Variants in HSD17B12 observed in about 807,000 individuals in gnomAD.
HSD17B12 encodes very-long-chain 3-oxoacyl-CoA reductase.
Under a neutral mutation model 39.3 loss-of-function variants are expected in HSD17B12, and 32 were observed. That is an observed-to-expected ratio of 0.81 (90% confidence interval 0.61 to 1.09). HSD17B12 has a LOEUF of 1.09. Ranked by LOEUF, HSD17B12 falls within the 50% of genes least tolerant of loss-of-function variation. The pLI, the probability that HSD17B12 is intolerant of heterozygous loss-of-function variation, is 0.00. For missense variants in HSD17B12, 342 were observed against 382.9 expected (o/e 0.89, Z 0.89); for synonymous variants, 150 against 146.7 (o/e 1.02, Z -0.16).
intron 3 of HSD17B12, among the ~76,000 whole-genome samples, chr11:43,777,641 A>C (rs1457411176): frequency 6.6e-6 from 1 of 152,286 alleles, no homozygotes; most frequent in Admixed American, 6.5e-5. Flanking sequence ...TTCCAACACT[A>C]TGTTGAATAG....
chr11:43,844,395 TAAC>T (rs960776231), intron 9 of HSD17B12, among the ~76,000 whole-genome samples: 7 of 152,290 alleles, frequency 4.6e-5, no homozygotes, highest in South Asian at 2.1e-4. Context: ...AAAAACACAG[TAAC>T]AACAACAAGT....
chr11:43,773,993 A>G (rs139281071), intron 3 of HSD17B12, among the ~76,000 whole-genome samples: 1,845 of 152,216 alleles, frequency 0.012, 15 homozygotes, highest in Non-Finnish European at 0.017. Context: ...CCTGAAAGGG[A>G]TCCAGGTAGA....
At chr11:43,568,701 T>C in the HSD17B12 span, among the ~76,000 whole-genome samples, 2 of 152,224 alleles carry the variant, frequency 1.3e-5, no homozygotes. Flanking sequence ...TAGGGGCAAA[T>C]GGCAGAATCA....
At chr11:43,659,874 T>G in the HSD17B12 span, among the ~76,000 whole-genome samples, 2 of 152,234 alleles carry the variant, frequency 1.3e-5, no homozygotes, top group Admixed American at 6.5e-5. Context: ...AGGCTGAGAC[T>G]TATTAGTTCG....
chr11:43,656,976 G>A, the HSD17B12 span, among the ~76,000 whole-genome samples: 1 of 152,162 alleles, frequency 6.6e-6, no homozygotes, highest in South Asian at 2.1e-4. Context: ...CTGTCTCATT[G>A]ATCTGTCTAA....
the HSD17B12 span, among the ~76,000 whole-genome samples, chr11:43,655,203 G>A: frequency 1.3e-5 from 2 of 152,136 alleles, no homozygotes; most frequent in Non-Finnish European, 2.9e-5. Flanking sequence ...TTGGCTCTCT[G>A]TTTGTCTGTT....
chr11:43,683,629 ATTG>A (rs1949772103), intron 1 of HSD17B12, among the ~76,000 whole-genome samples: 1 of 152,190 alleles, frequency 6.6e-6, no homozygotes, highest in African/African-American at 2.4e-5. Flanking sequence ...TGATTTTAGA[ATTG>A]TTGTATGTAA....
chr11:43,602,026 C>G, the HSD17B12 span, among the ~76,000 whole-genome samples: 1 of 152,188 alleles, frequency 6.6e-6, no homozygotes, highest in Admixed American at 6.5e-5. Context: ...TTGTCAGTGG[C>G]TGCTGGTGAA....
intron 3 of HSD17B12, 71 bp downstream of exon 3, chr11:43,754,192 ATAGT>A (rs1950490087): frequency 1.0e-6 from 1 of 980,140 alleles, no homozygotes; most frequent in African/African-American, 1.6e-5. Flanking sequence ...CGATACTGAC[ATAGT>A]TATTTCTAGT....
chr11:43,583,085 C>G, the HSD17B12 span, among the ~76,000 whole-genome samples: 1 of 152,206 alleles, frequency 6.6e-6, no homozygotes, highest in African/African-American at 2.4e-5. Context: ...TTGCTTCTTA[C>G]ATACCCCTCC....
chr11:43,822,932 G>A (rs1315445374), intron 6 of HSD17B12, among the ~76,000 whole-genome samples: 1 of 152,080 alleles, frequency 6.6e-6, no homozygotes, highest in Non-Finnish European at 1.5e-5. Flanking sequence ...GGTTGAACTA[G>A]TTTACAGTCC....
At chr11:43,607,482 A>G in the HSD17B12 span, among the ~76,000 whole-genome samples, 1 of 152,196 alleles carries the variant, frequency 6.6e-6, no homozygotes, top group Non-Finnish European at 1.5e-5. Flanking sequence ...TTATCCTAAT[A>G]TTTTAAATGT....
the HSD17B12 span, among the ~76,000 whole-genome samples, chr11:43,578,550 G>A: frequency 1.6e-4 from 24 of 152,312 alleles, no homozygotes; most frequent in African/African-American, 5.8e-4. Context: ...TCAAACCAAA[G>A]CTGCTCACAG....
chr11:43,727,730 GA>G (rs55960894), intron 1 of HSD17B12, among the ~76,000 whole-genome samples: 1 of 151,930 alleles, frequency 6.6e-6, no homozygotes, highest in African/African-American at 2.4e-5. Context: ...AAAACAGTAG[GA>G]AAAAAACACA....
Position 43,750,957 on chromosome 11 carries a change from G to A in HSD17B12, c.207G>A (p.Glu69=), listed in dbSNP as rs915047651. 6.3e-7 allele frequency: 1 copy of A among 1,586,392 alleles called. No individual in the cohort carries two copies. The highest frequency in any genetic ancestry group is 8.6e-7 in the Non-Finnish European group (1 of 1,160,868). The change falls in exon 2 of 11, where the codon GAG becomes GAA. Residue 69 remains glutamate (E), a splice_region_variant and synonymous_variant. Coordinates refer to ENST00000278353, the MANE Select transcript of HSD17B12 (RefSeq NM_016142.3). Reference sequence around the variant, plus strand: ...GAATTGGAAAATCATATGCAGAAGAGGTAGGTGATTTTCAAGATCTTTCCT... The same window carrying A: ...GAATTGGAAAATCATATGCAGAAGAAGTAGGTGATTTTCAAGATCTTTCCT... ...TDGIGKSYAE[E]LAKHGMKVVL...
intron 1 of HSD17B12, among the ~76,000 whole-genome samples, chr11:43,715,330 A>C (rs1328058267): frequency 6.6e-6 from 1 of 152,154 alleles, no homozygotes; most frequent in Admixed American, 6.5e-5. Context: ...AGTTTTTAGC[A>C]TGAAGGGCTG....
the HSD17B12 span, among the ~76,000 whole-genome samples, chr11:43,668,313 A>G: frequency 6.6e-6 from 1 of 152,126 alleles, no homozygotes; most frequent in Admixed American, 6.6e-5. Flanking sequence ...CAGACCAGCA[A>G]TGTTGCATCT....
At chr11:43,841,405 G>C (rs1951424769) in intron 9 of HSD17B12, among the ~76,000 whole-genome samples, 1 of 152,130 alleles carries the variant, frequency 6.6e-6, no homozygotes, top group East Asian at 1.9e-4. Context: ...ATGTAGTCCA[G>C]TTTATCTATT....
At chr11:43,828,770 A>G (rs1416917780) in intron 6 of HSD17B12, among the ~76,000 whole-genome samples, 1 of 152,234 alleles carries the variant, frequency 6.6e-6, no homozygotes, top group African/African-American at 2.4e-5. Context: ...ATAACCAAAT[A>G]TCAAGATACC....
Sources: gnomAD v4.1 joint callset for allele counts (sites outside exome capture counted in the v4.1 genomes callset) on GRCh38, gnomAD v4.1.1 for gene constraint, MANE v1.5 for transcripts, NCBI Gene and HGNC (gene_info 2026-07-23, HGNC 2026-07-21) for gene names.